Variants in ARAP2 observed in about 807,000 individuals in gnomAD.
ARAP2 encodes the protein arf-GAP with Rho-GAP domain, ANK repeat and PH domain-containing protein 2.
In ARAP2, 148 loss-of-function variants were observed where a neutral mutation model predicts 194.5. The ratio of observed to expected loss-of-function variants is 0.76; its 90% CI spans 0.67 to 0.87. ARAP2 has a LOEUF of 0.87. ARAP2 is among the 40% of genes least tolerant of loss of function. The probability of loss-of-function intolerance (pLI) is 0.00; values close to 1 mark genes in which losing one functional copy is unlikely to be tolerated. For missense variants in ARAP2, 2,128 were observed against 1,989.7 expected, an observed-to-expected ratio of 1.07 and a Z score of -1.32; for synonymous variants, 695 against 683.5, an observed-to-expected ratio of 1.02 and a Z score of -0.26.
At chr4:36,214,599 A>G in intron 2 of ARAP2, 119 bp from the exon 3 acceptor site, 2 of 596,002 alleles carry the variant, frequency 3.4e-6, no homozygotes, top group South Asian at 7.1e-5. Context: ...TAAGTGAAGG[A>G]TTTATTAGAG....
chr4:36,072,690 CA>C (rs5857471), intron 32 of ARAP2, among the ~76,000 whole-genome samples: 22 of 141,240 alleles, frequency 1.6e-4, no homozygotes, highest in African/African-American at 4.7e-4. Flanking sequence ...CCAAAAAAAA[CA>C]AAAAAAAAAA....
chr4:36,206,086 G>C (rs1745478228), intron 6 of ARAP2, among the ~76,000 whole-genome samples: 1 of 152,154 alleles, frequency 6.6e-6, no homozygotes, highest in South Asian at 2.1e-4. Context: ...GCAGCCCCAA[G>C]AAAGCATACC....
At chr4:36,027,793 G>A (rs1718189596) in intron 5 of ARAP2, among the ~76,000 whole-genome samples, 1 of 152,156 alleles carries the variant, frequency 6.6e-6, no homozygotes, top group Non-Finnish European at 1.5e-5. Flanking sequence ...TATGTCTAAT[G>A]TGCAATAAAT....
chr4:36,208,378 G>C lies in ARAP2; in HGVS notation c.1487+2012C>G, dbSNP rs1746016732. Among the ~76,000 whole-genome samples the C allele has an allele frequency of 2.0e-5, 3 of 152,156 alleles. No individual in the cohort carries two copies. In the South Asian group the frequency reaches 6.2e-4, roughly 32 times the overall value. ...ACGTATTGGCTACGTCTGCTTTTAT[G>C]CTATAACTGCAGAGTTAAATACTTG... On this transcript the variant is annotated intron_variant, in intron 6 of 32. Coordinates refer to ENST00000303965, the MANE Select transcript of ARAP2 (RefSeq NM_015230.4).
chr4:36,239,935 T>A (rs558969109), intron 1 of ARAP2, among the ~76,000 whole-genome samples: 68 of 152,276 alleles, frequency 4.5e-4, no homozygotes, highest in African/African-American at 1.6e-3. Context: ...TTCGTGAGGC[T>A]TCCCTGCCTA....
intron 1 of ARAP2, among the ~76,000 whole-genome samples, chr4:36,060,670 G>C (rs928921069): frequency 6.6e-6 from 1 of 152,156 alleles, no homozygotes; most frequent in Non-Finnish European, 1.5e-5. Flanking sequence ...TTTTCTCATA[G>C]TTTTAAGGGC....
intron 11 of ARAP2, among the ~76,000 whole-genome samples, chr4:36,162,147 T>C (rs1479290501): frequency 1.3e-5 from 2 of 151,612 alleles, no homozygotes; most frequent in African/African-American, 2.4e-5. Flanking sequence ...TAAATATATA[T>C]ATATATATAT....
chr4:36,110,118 T>G (rs1243063699), intron 26 of ARAP2, among the ~76,000 whole-genome samples: 2 of 151,884 alleles, frequency 1.3e-5, no homozygotes, highest in Non-Finnish European at 2.9e-5. Context: ...GGAACAGAGA[T>G]GTGCATCCCA....
chr4:36,125,628 A>G (rs1208504642), intron 21 of ARAP2, among the ~76,000 whole-genome samples: 1 of 151,972 alleles, frequency 6.6e-6, no homozygotes, highest in Non-Finnish European at 1.5e-5. Flanking sequence ...TTGTTGGTTT[A>G]TGGAGAGAAG....
intron 5 of ARAP2, among the ~76,000 whole-genome samples, chr4:36,021,805 T>A (rs1016061448): frequency 2.0e-5 from 3 of 152,166 alleles, no homozygotes; most frequent in African/African-American, 7.2e-5. Flanking sequence ...TTGGTGAGCA[T>A]GCCAATGAGT....
At chr4:36,207,790 A>AC (rs2109257278) in intron 6 of ARAP2, among the ~76,000 whole-genome samples, 1 of 152,194 alleles carries the variant, frequency 6.6e-6, no homozygotes, top group East Asian at 1.9e-4. Context: ...TAAAAAAAAA[A>AC]CCCAAGAGTT....
intron 6 of ARAP2, among the ~76,000 whole-genome samples, chr4:36,200,312 A>G (rs1005589195): frequency 1.3e-5 from 2 of 151,354 alleles, no homozygotes; most frequent in Admixed American, 6.6e-5. Flanking sequence ...CTGGAGTGCA[A>G]TGGTGCAATC....
intron 5 of ARAP2, among the ~76,000 whole-genome samples, chr4:36,041,951 T>C (rs1034444351): frequency 1.3e-5 from 2 of 152,246 alleles, no homozygotes; most frequent in African/African-American, 2.4e-5. Context: ...ATGTTCTCAC[T>C]TATAAGTAGG....
Position 36,160,273 on chromosome 4 carries a change from C to T in ARAP2, c.2442+186G>A, listed in dbSNP as rs1560560363. Reference sequence around the variant, plus strand: ...TTCAATTATGGAGGAAGAATTTATGCTCTTTTGACAATGAATCCTTAAATG... The same window carrying T: ...TTCAATTATGGAGGAAGAATTTATGTTCTTTTGACAATGAATCCTTAAATG... On this transcript the variant is annotated intron_variant, in intron 13 of 32. Coordinates refer to ENST00000303965, the MANE Select transcript of ARAP2 (RefSeq NM_015230.4). 1.1e-5 allele frequency: 13 copies of T among 1,196,018 alleles called. No homozygotes were observed. In the South Asian group the frequency reaches 2.4e-4, roughly 22 times the overall value. 74.1% of individuals were successfully genotyped at this position (1,196,018 alleles called of 1,614,324 possible).
intron 7 of ARAP2, among the ~76,000 whole-genome samples, chr4:36,189,680 C>A (rs986503132): frequency 6.6e-5 from 10 of 152,102 alleles, no homozygotes; most frequent in Admixed American, 5.9e-4. Context: ...TCTGTTCCTG[C>A]CGTATTTCAC....
At chr4:36,160,292 T>G (rs1733614490) in intron 13 of ARAP2, 167 bp downstream of exon 13, 1 of 1,230,260 alleles carries the variant, frequency 8.1e-7, no homozygotes, top group Non-Finnish European at 1.0e-6. Context: ...CAATGAATCC[T>G]TAAATGAAAC....
chr4:36,026,143 A>G (rs1717869819), intron 5 of ARAP2, among the ~76,000 whole-genome samples: 1 of 152,192 alleles, frequency 6.6e-6, no homozygotes, highest in Non-Finnish European at 1.5e-5. Flanking sequence ...AAATACATAA[A>G]TCAAATTGAA....
chr4:36,162,260 C>T (rs1365533860), intron 11 of ARAP2, among the ~76,000 whole-genome samples: 1 of 152,084 alleles, frequency 6.6e-6, no homozygotes, highest in African/African-American at 2.4e-5. Context: ...TGCTAAAACC[C>T]CACGTATGTA....
chr4:36,013,799 G>A (rs1034276427), intron 8 of ARAP2, among the ~76,000 whole-genome samples: 7 of 152,024 alleles, frequency 4.6e-5, no homozygotes, highest in Non-Finnish European at 4.4e-5. Flanking sequence ...ACATATATAT[G>A]ACAGAATCCA....
Sources: allele counts gnomAD v4.1 joint callset (sites outside exome capture counted in the v4.1 genomes callset), GRCh38; gene constraint gnomAD v4.1.1; transcripts MANE v1.5; gene names NCBI Gene and HGNC (gene_info 2026-07-23, HGNC 2026-07-21).